The following NKAIN2 variants were observed in gnomAD, a reference collection of about 807,000 sequenced individuals.
NKAIN2 encodes sodium/potassium transporting ATPase interacting 2, also known as sodium/potassium-transporting ATPase subunit beta-1-interacting protein 2.
A neutral mutation model predicts 32.6 loss-of-function variants in NKAIN2; 14 were observed. The observed-to-expected ratio is 0.43, with a 90% CI of 0.28 to 0.67. The LOEUF is 0.67. Among genes scored for constraint, NKAIN2 ranks in the 30% least tolerant of loss-of-function variants. The pLI is 0.17. For missense variants in NKAIN2, 198 were observed against 258.3 expected, an observed-to-expected ratio of 0.77 and a Z score of 1.60; for synonymous variants, 80 against 87.2, an observed-to-expected ratio of 0.92 and a Z score of 0.46.
In NKAIN2 at chr6:124,235,636, T is replaced by C. The variant is rs557850134; in HGVS notation, c.55-47369T>C. On this transcript the variant is annotated intron_variant, in intron 1 of 6. Coordinates refer to ENST00000368417, the MANE Select transcript of NKAIN2 (RefSeq NM_001040214.3). ...TTTCCTGAGACAGAGTCTCACTCTG[T>C]CACCCAGACTGGAGTGCAATGGTGC... Among the ~76,000 whole-genome samples, 23 of 151,696 alleles carry C rather than the reference T, an allele frequency of 1.5e-4. No homozygotes were observed. The East Asian group carries it at 3.9e-3, about 26-fold the overall frequency.
At chr6:124,217,703 G>A (rs942387698) in intron 1 of NKAIN2, among the ~76,000 whole-genome samples, 1 of 151,910 alleles carries the variant, frequency 6.6e-6, no homozygotes, top group African/African-American at 2.4e-5. Context: ...ACTGAATTTA[G>A]TCTTCCATTT....
chr6:124,119,782 C>T (rs1785789513), intron 1 of NKAIN2, among the ~76,000 whole-genome samples: 1 of 152,202 alleles, frequency 6.6e-6, no homozygotes, highest in Non-Finnish European at 1.5e-5. Context: ...GTGTGCACAG[C>T]TGCTACCAGA....
chr6:123,933,436 G>A (rs1776356237), intron 1 of NKAIN2, among the ~76,000 whole-genome samples: 1 of 152,106 alleles, frequency 6.6e-6, no homozygotes, highest in South Asian at 2.1e-4. Flanking sequence ...TCAGAACAGT[G>A]GAAATGTGGC....
intron 1 of NKAIN2, among the ~76,000 whole-genome samples, chr6:123,881,429 A>G (rs1341886463): frequency 2.6e-5 from 4 of 152,216 alleles, no homozygotes; most frequent in Non-Finnish European, 4.4e-5. Context: ...GGAGGGCAGA[A>G]GGACAAGCAA....
chr6:124,458,986 A>G (rs1232883133), intron 3 of NKAIN2, among the ~76,000 whole-genome samples: 1 of 151,870 alleles, frequency 6.6e-6, no homozygotes, highest in Non-Finnish European at 1.5e-5. Context: ...CTTCTGGGTC[A>G]AGCCATCAGA....
At chr6:124,048,860 C>T (rs531042071) in intron 1 of NKAIN2, among the ~76,000 whole-genome samples, 2 of 152,086 alleles carry the variant, frequency 1.3e-5, no homozygotes, top group South Asian at 2.1e-4. Flanking sequence ...ATGGCTCAGT[C>T]GTATTAGGTC....
intron 1 of NKAIN2, among the ~76,000 whole-genome samples, chr6:124,163,213 T>C (rs548526477): frequency 8.7e-4 from 132 of 152,124 alleles, no homozygotes; most frequent in African/African-American, 3.2e-3. Context: ...AGGTGATTTT[T>C]TTTTCATCTG....
At chr6:124,104,089 A>C (rs1326970063) in intron 1 of NKAIN2, among the ~76,000 whole-genome samples, 1 of 152,156 alleles carries the variant, frequency 6.6e-6, no homozygotes, top group Non-Finnish European at 1.5e-5. Context: ...TCCATCTCAA[A>C]AAATAAATAA....
At chr6:124,400,719 C>A (rs567530831) in intron 3 of NKAIN2, among the ~76,000 whole-genome samples, 1 of 152,196 alleles carries the variant, frequency 6.6e-6, no homozygotes, top group African/African-American at 2.4e-5. Flanking sequence ...ATAGCACTTT[C>A]ACACTTCAAA....
At chr6:124,661,633 G>A (rs1409019164) in intron 4 of NKAIN2, among the ~76,000 whole-genome samples, 2 of 152,238 alleles carry the variant, frequency 1.3e-5, no homozygotes, top group Admixed American at 6.5e-5. Flanking sequence ...GCTTCCAGCC[G>A]TGCAGAAAAG....
At chr6:123,996,624 T>G (rs529664877) in intron 1 of NKAIN2, among the ~76,000 whole-genome samples, 143 of 152,284 alleles carry the variant, frequency 9.4e-4, no homozygotes, top group African/African-American at 3.3e-3. Flanking sequence ...CTTTACCATA[T>G]TTCAGTGATA....
intron 2 of NKAIN2, among the ~76,000 whole-genome samples, chr6:124,350,694 T>G (rs946956625): frequency 1.3e-5 from 2 of 152,176 alleles, no homozygotes; most frequent in African/African-American, 4.8e-5. Flanking sequence ...TAAGTGAAAA[T>G]AGTGAAAGTA....
intron 1 of NKAIN2, among the ~76,000 whole-genome samples, chr6:123,933,230 T>C (rs992971110): frequency 6.6e-6 from 1 of 152,210 alleles, no homozygotes; most frequent in Admixed American, 6.5e-5. Context: ...CATGATGTTT[T>C]ATTTCAAATT....
intron 1 of NKAIN2, among the ~76,000 whole-genome samples, chr6:124,174,726 T>C (rs1361679589): frequency 6.6e-6 from 1 of 152,146 alleles, no homozygotes; most frequent in Non-Finnish European, 1.5e-5. Flanking sequence ...TACTCATATT[T>C]CATTGGCCAG....
intron 1 of NKAIN2, among the ~76,000 whole-genome samples, chr6:123,965,739 T>C (rs1778041743): frequency 6.6e-6 from 1 of 152,206 alleles, no homozygotes; most frequent in Non-Finnish European, 1.5e-5. Context: ...AATGCCACTT[T>C]ATCCACGATT....
chr6:124,552,475 A>G (rs1231102521), intron 3 of NKAIN2, among the ~76,000 whole-genome samples: 2 of 152,224 alleles, frequency 1.3e-5, no homozygotes, highest in East Asian at 1.9e-4. Context: ...TTCTTTCGCC[A>G]CATAGACTGG....
At chr6:124,161,667 A>C (rs1230659436) in intron 1 of NKAIN2, among the ~76,000 whole-genome samples, 1 of 152,144 alleles carries the variant, frequency 6.6e-6, no homozygotes, top group African/African-American at 2.4e-5. Context: ...AGAAACTTTC[A>C]AAACATGACT....
chr6:124,359,167 T>C (rs1175047063), intron 3 of NKAIN2, among the ~76,000 whole-genome samples: 1 of 152,230 alleles, frequency 6.6e-6, no homozygotes, highest in African/African-American at 2.4e-5. Context: ...GCTGTTTTGG[T>C]TACTGTAGCC....
intron 2 of NKAIN2, among the ~76,000 whole-genome samples, chr6:124,292,458 G>GT (rs1795858915): frequency 6.6e-6 from 1 of 151,866 alleles, no homozygotes; most frequent in Non-Finnish European, 1.5e-5. Context: ...AACCAAAAGT[G>GT]TAACAATAAC....
Sources: gnomAD v4.1 joint callset for allele counts (sites outside exome capture counted in the v4.1 genomes callset) on GRCh38, gnomAD v4.1.1 for gene constraint, MANE v1.5 for transcripts, NCBI Gene and HGNC (gene_info 2026-07-23, HGNC 2026-07-21) for gene names.